The following KIAA1549L variants were observed in gnomAD, a reference collection of about 807,000 sequenced individuals.
KIAA1549L encodes the protein UPF0606 protein KIAA1549L.
A neutral mutation model predicts 160.7 loss-of-function variants in KIAA1549L; 88 were observed. The observed-to-expected ratio is 0.55, with a 90% confidence interval of 0.46 to 0.65. The LOEUF is 0.65. Ranked by LOEUF, KIAA1549L falls within the 30% of genes least tolerant of loss-of-function variation. KIAA1549L has a pLI of 0.00. For missense variants in KIAA1549L, 2,258 were observed against 2,437.5 expected (o/e 0.93, Z 1.55); for synonymous variants, 950 against 976.7 (o/e 0.97, Z 0.51).
chr11:33,526,632 T>A (rs1853619345), intron 1 of KIAA1549L, among the ~76,000 whole-genome samples: 1 of 152,214 alleles, frequency 6.6e-6, no homozygotes, highest in African/African-American at 2.4e-5. Flanking sequence ...GGGAGAGCAC[T>A]ACATCAAGGA....
intron 14 of KIAA1549L, among the ~76,000 whole-genome samples, chr11:33,607,143 G>A (rs1001789218): frequency 9.2e-5 from 14 of 152,164 alleles, no homozygotes; most frequent in African/African-American, 3.1e-4. Flanking sequence ...GCCTTTCTTG[G>A]TGACACTCCT....
At chr11:33,389,767 C>T (rs1443248610) in intron 1 of KIAA1549L, among the ~76,000 whole-genome samples, 4 of 152,224 alleles carry the variant, frequency 2.6e-5, no homozygotes, top group Non-Finnish European at 4.4e-5. Flanking sequence ...CAACAGTTCA[C>T]GGTTGTCGAA....
At chr11:33,470,034 A>T (rs865993459) in intron 1 of KIAA1549L, among the ~76,000 whole-genome samples, 6 of 151,060 alleles carry the variant, frequency 4.0e-5, no homozygotes, top group Non-Finnish European at 4.4e-5. Flanking sequence ...CAATTTATCT[A>T]TTTTTTTTTC....
chr11:33,594,988 T>C (rs776166888), intron 12 of KIAA1549L, among the ~76,000 whole-genome samples: 1 of 152,260 alleles, frequency 6.6e-6, no homozygotes, highest in Non-Finnish European at 1.5e-5. Flanking sequence ...AATTAGGATA[T>C]GAACATAGTA....
intron 1 of KIAA1549L, among the ~76,000 whole-genome samples, chr11:33,495,354 C>A (rs1344504236): frequency 2.6e-5 from 4 of 151,012 alleles, no homozygotes; most frequent in East Asian, 3.9e-4. Flanking sequence ...TCAATTCCCA[C>A]CTATGAGTGA....
chr11:33,475,680 C>T (rs1209275736), intron 1 of KIAA1549L, among the ~76,000 whole-genome samples: 1 of 146,618 alleles, frequency 6.8e-6, no homozygotes, highest in Non-Finnish European at 1.5e-5. Context: ...TAGCAAGACC[C>T]TCATCTCGCT....
intron 1 of KIAA1549L, among the ~76,000 whole-genome samples, chr11:33,530,435 AAATATATATATATATATATATATATAT>A (rs1436742124): frequency 0.011 from 75 of 7,072 alleles, 3 homozygotes; most frequent in African/African-American, 0.042. Context: ...AAAAAAAAAA[AAATATATATATATATATATATATATAT>A]ATATATATAT....
Position 33,609,748 on chromosome 11 carries a change from G to C in KIAA1549L, c.5062-1G>C. On this transcript the variant is annotated splice_acceptor_variant, in intron 14 of 20. Coordinates refer to ENST00000658780, the MANE Select transcript of KIAA1549L (RefSeq NM_012194.3). LOFTEE classifies it high-confidence loss of function. Reference sequence around the variant, plus strand: ...GGGCCTGAGACTGCCTCTCTCCCCAGGTGAACAAAGCCCTGAAGCAGAAGT... The same window carrying C: ...GGGCCTGAGACTGCCTCTCTCCCCACGTGAACAAAGCCCTGAAGCAGAAGT... 1 of 1,600,994 alleles carries C rather than the reference G, an allele frequency of 6.2e-7. No individual in the cohort carries two copies. The highest frequency in any genetic ancestry group is 8.5e-7 in the Non-Finnish European group (1 of 1,174,162).
intron 6 of KIAA1549L, among the ~76,000 whole-genome samples, chr11:33,555,807 A>G (rs989971942): frequency 6.6e-6 from 1 of 152,264 alleles, no homozygotes; most frequent in Non-Finnish European, 1.5e-5. Context: ...TAGGCAAATT[A>G]GACTTCATCA....
At chr11:33,649,934 T>C (rs1000653790) in intron 17 of KIAA1549L, among the ~76,000 whole-genome samples, 1 of 152,098 alleles carries the variant, frequency 6.6e-6, no homozygotes, top group Non-Finnish European at 1.5e-5. Flanking sequence ...CCAAATCAAT[T>C]TGAATCTATT....
chr11:33,590,132 A>G (rs1362259709), intron 11 of KIAA1549L, among the ~76,000 whole-genome samples: 2 of 152,222 alleles, frequency 1.3e-5, no homozygotes, highest in African/African-American at 4.8e-5. Context: ...TTCTTATTTA[A>G]TCCTTACAGC....
At chr11:33,567,065 A>T (rs1855072433) in intron 8 of KIAA1549L, among the ~76,000 whole-genome samples, 1 of 152,208 alleles carries the variant, frequency 6.6e-6, no homozygotes, top group Non-Finnish European at 1.5e-5. Context: ...CCTGATAGTA[A>T]GTGAACACAG....
At chr11:33,570,506 T>C (rs1485937795) in intron 9 of KIAA1549L, among the ~76,000 whole-genome samples, 1 of 152,110 alleles carries the variant, frequency 6.6e-6, no homozygotes, top group Non-Finnish European at 1.5e-5. Context: ...ATTTGAATGG[T>C]CATTCAACTT....
chr11:33,403,194 TACAC>T (rs1374310765), intron 1 of KIAA1549L: 3 of 103,332 alleles, frequency 2.9e-5, no homozygotes, highest in Admixed American at 1.9e-4. Flanking sequence ...CACACAGACA[TACAC>T]AGACACACGC....
chr11:33,606,618 G>A (rs374975479), intron 13 of KIAA1549L, 23 bp from the exon 14 acceptor site: 11 of 1,607,944 alleles, frequency 6.8e-6, no homozygotes, highest in African/African-American at 4.0e-5. Context: ...TCATAAAATC[G>A]ATGTGTTTAT....
At chr11:33,412,532 T>C (rs1180094280) in intron 1 of KIAA1549L, among the ~76,000 whole-genome samples, 2 of 152,216 alleles carry the variant, frequency 1.3e-5, no homozygotes, top group Non-Finnish European at 2.9e-5. Flanking sequence ...TGGGTGCTGC[T>C]CTGGAACTAG....
chr11:33,448,606 A>C (rs2132965782), intron 1 of KIAA1549L, among the ~76,000 whole-genome samples: 1 of 152,306 alleles, frequency 6.6e-6, no homozygotes, highest in African/African-American at 2.4e-5. Flanking sequence ...GCTACACTCC[A>C]GGGACAGCTT....
intron 1 of KIAA1549L, among the ~76,000 whole-genome samples, chr11:33,523,409 C>A (rs1853542046): frequency 6.6e-6 from 1 of 152,180 alleles, no homozygotes; most frequent in Non-Finnish European, 1.5e-5. Flanking sequence ...ACCCCTTTCC[C>A]CCCTCATATC....
At chr11:33,469,764 G>C (rs149430034) in intron 1 of KIAA1549L, among the ~76,000 whole-genome samples, 104 of 152,254 alleles carry the variant, frequency 6.8e-4, no homozygotes, top group Admixed American at 1.5e-3. Flanking sequence ...TTTCCCTAAT[G>C]GCTAATGATG....
Sources: gnomAD v4.1 joint callset for allele counts (sites outside exome capture counted in the v4.1 genomes callset) on GRCh38, gnomAD v4.1.1 for gene constraint, MANE v1.5 for transcripts, NCBI Gene and HGNC (gene_info 2026-07-23, HGNC 2026-07-21) for gene names.